Variants in BBS7 observed in about 807,000 individuals in gnomAD.
BBS7 encodes the protein BBSome complex member BBS7.
In BBS7, 50 loss-of-function variants were observed where a neutral mutation model predicts 90.3. The observed-to-expected ratio is 0.55, with a 90% CI of 0.44 to 0.70. BBS7 has a LOEUF of 0.70. BBS7 is among the 30% of genes least tolerant of loss of function. The pLI is 0.00. For missense variants in BBS7, 729 were observed against 838.9 expected (o/e 0.87, Z 1.62); for synonymous variants, 235 against 287.4 (o/e 0.82, Z 1.85).
intron 13 of BBS7, among the ~76,000 whole-genome samples, chr4:121,836,151 C>T (rs530641414): frequency 6.6e-6 from 1 of 152,230 alleles, no homozygotes; most frequent in South Asian, 2.1e-4. Flanking sequence ...GCCGGATATC[C>T]TGAGAATTCA....
At chr4:121,855,691 G>A (rs1480865541) in intron 5 of BBS7, 130 bp from the exon 6 acceptor site, 2 of 849,624 alleles carry the variant, frequency 2.4e-6, no homozygotes, top group Non-Finnish European at 1.9e-6. Context: ...TAAAAATTAG[G>A]TTACGAATAC....
At chr4:121,854,322 C>T (rs902607741) in intron 7 of BBS7, among the ~76,000 whole-genome samples, 4 of 152,130 alleles carry the variant, frequency 2.6e-5, no homozygotes, top group Non-Finnish European at 5.9e-5. Flanking sequence ...GGTATAAATT[C>T]CTTAGAAAAC....
Position 121,855,473 on chromosome 4 carries a change from A to C in BBS7, c.601+16T>G. Reference sequence around the variant, plus strand: ...AAAACACATAGTTGATTTGTGAAAAATAAAATCCTGATTACCGCCATTTCC... The same window carrying C: ...AAAACACATAGTTGATTTGTGAAAACTAAAATCCTGATTACCGCCATTTCC... On this transcript the variant is annotated intron_variant, in intron 6 of 18. Coordinates refer to ENST00000264499, the MANE Select transcript of BBS7 (RefSeq NM_176824.3). 1 of 1,610,118 alleles carries C rather than the reference A, an allele frequency of 6.2e-7. No homozygotes were observed.
chr4:121,870,251 G>C (rs1245568464), intron 1 of BBS7, 27 bp downstream of exon 1: 2 of 1,613,984 alleles, frequency 1.2e-6, no homozygotes, highest in Non-Finnish European at 8.5e-7. Context: ...TGCCCAGCGC[G>C]GCGCCCGCCC....
chr4:121,847,452 TCTC>T lies in BBS7; in HGVS notation c.986_988del (p.Gly329del), dbSNP rs1421102648. On this transcript the variant is annotated inframe_deletion, in exon 10 of 19. Transcript: ENST00000264499. ...CATCTCCTGATTAATTTTTAGTTCT[TCTC>T]CTGGTCCACTTTCCTTATGAATGGG... 1 of 1,613,736 alleles carries T rather than the reference TCTC, an allele frequency of 6.2e-7. No homozygotes were observed. The highest frequency in any genetic ancestry group is 8.5e-7 in the Non-Finnish European group (1 of 1,179,872).
chr4:121,857,370 C>T (rs776385697), intron 5 of BBS7, among the ~76,000 whole-genome samples: 17 of 152,124 alleles, frequency 1.1e-4, no homozygotes, highest in Non-Finnish European at 2.2e-4. Flanking sequence ...CCTCCAACCT[C>T]GGCCTCCCAA....
intron 5 of BBS7, among the ~76,000 whole-genome samples, chr4:121,855,862 G>GTA (rs915708461): frequency 7.0e-6 from 1 of 143,764 alleles, no homozygotes; most frequent in Non-Finnish European, 1.5e-5. Context: ...ACATGTATGT[G>GTA]TATATATGTA....
intron 11 of BBS7, 99 bp from the exon 12 acceptor site, chr4:121,844,100 AT>A: frequency 1.4e-6 from 1 of 730,070 alleles, no homozygotes; most frequent in Non-Finnish European, 2.3e-6. Context: ...TCTAGTTTAT[AT>A]TCATCTTTAA....
chr4:121,837,943 A>C (rs1048696370), intron 13 of BBS7, among the ~76,000 whole-genome samples: 25 of 152,048 alleles, frequency 1.6e-4, no homozygotes, highest in African/African-American at 5.3e-4. Context: ...TGTCTCTACT[A>C]AAATACAAAA....
At chr4:121,858,148 A>G (rs1411686646) in intron 5 of BBS7, among the ~76,000 whole-genome samples, 35 of 151,948 alleles carry the variant, frequency 2.3e-4, no homozygotes, top group Non-Finnish European at 5.9e-5. Context: ...GGGGGTAAAA[A>G]CCTCATAGAC....
At chr4:121,832,836 A>G (rs1376068807) in intron 15 of BBS7, among the ~76,000 whole-genome samples, 1 of 152,230 alleles carries the variant, frequency 6.6e-6, no homozygotes, top group Non-Finnish European at 1.5e-5. Context: ...TATAGAATAT[A>G]TTACTCCATT....
intron 18 of BBS7, chr4:121,827,870 C>T: frequency 1.9e-6 from 2 of 1,076,970 alleles, no homozygotes; most frequent in South Asian, 3.4e-5. Context: ...CATTTTATAC[C>T]AGGTTTGTTC....
At chr4:121,864,328 C>G (rs1727147717) in intron 2 of BBS7, among the ~76,000 whole-genome samples, 1 of 152,174 alleles carries the variant, frequency 6.6e-6, no homozygotes, top group African/African-American at 2.4e-5. Context: ...AGCTATGTAT[C>G]TGTGTAAGCT....
intron 12 of BBS7, among the ~76,000 whole-genome samples, chr4:121,841,322 GA>G (rs1250748135): frequency 6.6e-6 from 1 of 151,854 alleles, no homozygotes; most frequent in East Asian, 1.9e-4. Context: ...TGGGAGGCTG[GA>G]AGGTGGAAGG....
At chr4:121,841,392 A>T (rs915914051) in intron 12 of BBS7, among the ~76,000 whole-genome samples, 1 of 152,000 alleles carries the variant, frequency 6.6e-6, no homozygotes. Flanking sequence ...CCCCATTTCT[A>T]CAAAAAATAA....
At chr4:121,838,732 A>T (rs1335547744) in intron 13 of BBS7, among the ~76,000 whole-genome samples, 1 of 151,852 alleles carries the variant, frequency 6.6e-6, no homozygotes. Flanking sequence ...CTAAAAAAAA[A>T]AAAAGTACAA....
intron 15 of BBS7, among the ~76,000 whole-genome samples, chr4:121,832,827 A>G (rs1350546494): frequency 1.3e-5 from 2 of 152,226 alleles, no homozygotes; most frequent in African/African-American, 2.4e-5. Flanking sequence ...ATTGATGACT[A>G]TAGAATATAT....
At chr4:121,841,589 A>G (rs1310450328) in intron 12 of BBS7, among the ~76,000 whole-genome samples, 2 of 151,884 alleles carry the variant, frequency 1.3e-5, no homozygotes, top group Non-Finnish European at 2.9e-5. Flanking sequence ...AAGACTAACC[A>G]TATGTTGAAA....
intron 7 of BBS7, among the ~76,000 whole-genome samples, chr4:121,854,175 T>C (rs144444926): frequency 8.3e-4 from 127 of 152,318 alleles, no homozygotes; most frequent in Non-Finnish European, 1.5e-3. Context: ...GGTAAAGCTG[T>C]CTTATGTATT....
Sources: gnomAD v4.1 joint callset for allele counts (sites outside exome capture counted in the v4.1 genomes callset) on GRCh38, gnomAD v4.1.1 for gene constraint, MANE v1.5 for transcripts, NCBI Gene and HGNC (gene_info 2026-07-23, HGNC 2026-07-21) for gene names.